The following SIRT1 variants were observed in gnomAD, a reference collection of about 807,000 sequenced individuals.
The protein encoded by SIRT1 is NAD-dependent protein deacetylase sirtuin-1.
SIRT1 carries 24 observed loss-of-function variants against 67.9 expected under a neutral mutation model. That is an observed-to-expected ratio of 0.35 (90% CI 0.26 to 0.50). The LOEUF (loss-of-function observed/expected upper bound fraction) is 0.50, where lower values mean the gene tolerates loss of function less well. SIRT1 is among the 20% of genes least tolerant of loss of function. SIRT1 has a pLI of 0.98. For missense variants in SIRT1, 873 were observed against 937.2 expected (o/e 0.93, Z 0.89); for synonymous variants, 378 against 350.7 (o/e 1.08, Z -0.87).
rs1188629315 is a variant in SIRT1, at chr10:67,889,143, G to A, written c.789+20G>A. On this transcript the variant is annotated intron_variant, in intron 3 of 8. Transcript: ENST00000212015. ...GCTGGGGTATGTAAGACTAGTACAT[G>A]GGGAGGTCGTATATGTATTTTCTTA... is the stretch of plus-strand genomic sequence containing the variant. 1 of 1,576,474 alleles carries A rather than the reference G, an allele frequency of 6.3e-7. No individual in the cohort carries two copies. Among genetic ancestry groups the A allele is most frequent in the South Asian group, 1.2e-5 (1 of 86,738 alleles).
Position 67,884,674 on chromosome 10 carries a change from G to A in SIRT1, c.-48G>A, listed in dbSNP as rs1842445323. ...CGGGGGCGCCAGTGCCGCGCGTCGA[G>A]CGGGAGCAGAGGAGGCGAGGGAGGA... On this transcript the variant is annotated 5_prime_UTR_variant, in exon 1 of 9. Transcript: ENST00000212015. 3 of 1,226,202 alleles carry A rather than the reference G, an allele frequency of 2.4e-6. No homozygotes were observed. Among genetic ancestry groups the A allele is most frequent in the Non-Finnish European group, 3.0e-6 (3 of 984,510 alleles). 76.0% of individuals were successfully genotyped at this position (1,226,202 alleles called of 1,614,324 possible). A position where few individuals can be genotyped will look rare whatever the true frequency, so the allele number is the denominator to read the frequency against.
At chr10:67,888,791 C>A in intron 2 of SIRT1, 91 bp from the exon 3 acceptor site, 1 of 1,435,078 alleles carries the variant, frequency 7.0e-7, no homozygotes, top group Non-Finnish European at 9.3e-7. Flanking sequence ...GCAAAAAACC[C>A]TCACAGAATG....
chr10:67,906,360 T>G lies in SIRT1; in HGVS notation c.943-430T>G, dbSNP rs1466747562. The G allele has an allele frequency of 2.7e-6, 4 of 1,477,666 alleles. No homozygotes were observed. The African/African-American group carries it at 4.3e-5, about 16-fold the overall frequency. 91.5% of individuals were successfully genotyped at this position (1,477,666 alleles called of 1,614,324 possible). On this transcript the variant is annotated intron_variant, in intron 4 of 8. Transcript: ENST00000212015. ...AATGAATGATAAATCAAAAAAAAAT[T>G]TTAAATATTCTTGTATTGACAGTGC...
intron 8 of SIRT1, among the ~76,000 whole-genome samples, chr10:67,914,806 C>G (rs780237114): frequency 2.6e-5 from 4 of 151,578 alleles, no homozygotes; most frequent in Non-Finnish European, 5.9e-5. Flanking sequence ...CTCCCGGGTT[C>G]AAGCGATTCT....
intron 2 of SIRT1, 149 bp downstream of exon 2, chr10:67,887,682 T>C (rs1349846872): frequency 1.9e-6 from 1 of 530,748 alleles, no homozygotes; most frequent in East Asian, 3.5e-5. Flanking sequence ...GTTCAAGCGA[T>C]TCTCCTGCCT....
intron 5 of SIRT1, 35 bp from the exon 6 acceptor site, chr10:67,908,011 C>T (rs200458851): frequency 2.1e-5 from 32 of 1,540,798 alleles, no homozygotes; most frequent in Middle Eastern, 1.7e-4. Flanking sequence ...AGAAATACTT[C>T]TTTAATAAAG....
chr10:67,886,233 G>T (rs1051739327), intron 1 of SIRT1, among the ~76,000 whole-genome samples: 1 of 149,588 alleles, frequency 6.7e-6, no homozygotes, highest in East Asian at 2.1e-4. Context: ...GAGCCACCGC[G>T]CCCGGTCAGG....
intron 7 of SIRT1, 46 bp from the exon 8 acceptor site, chr10:67,912,428 A>G (rs200136807): frequency 1.3e-6 from 2 of 1,494,974 alleles, no homozygotes; most frequent in East Asian, 2.3e-5. Context: ...TTATTAGCTT[A>G]CTTCCTCCTC....
At chr10:67,904,122 TGTTTG>T (rs1842784465) in intron 4 of SIRT1, among the ~76,000 whole-genome samples, 2 of 138,884 alleles carry the variant, frequency 1.4e-5, no homozygotes, top group African/African-American at 3.0e-5. Context: ...TAGTTTTTTT[TGTTTG>T]TTTTTTTTTT....
intron 7 of SIRT1, among the ~76,000 whole-genome samples, chr10:67,911,701 C>T (rs1842901547): frequency 7.0e-6 from 1 of 143,124 alleles, no homozygotes; most frequent in Non-Finnish European, 1.5e-5. Flanking sequence ...CCTTCCCGTC[C>T]GTTCTTCCTT....
intron 4 of SIRT1, among the ~76,000 whole-genome samples, chr10:67,892,251 A>G (rs1458279340): frequency 6.6e-6 from 1 of 152,164 alleles, no homozygotes; most frequent in Non-Finnish European, 1.5e-5. Flanking sequence ...AATTCTTTTG[A>G]AATACTTTTG....
intron 4 of SIRT1, chr10:67,906,187 T>TG: frequency 1.4e-6 from 2 of 1,428,364 alleles, no homozygotes; most frequent in Non-Finnish European, 9.2e-7. Context: ...AAGCATTATT[T>TG]GGGGGGAAAA....
At chr10:67,896,271 C>A (rs1333547054) in intron 4 of SIRT1, among the ~76,000 whole-genome samples, 3 of 152,138 alleles carry the variant, frequency 2.0e-5, no homozygotes, top group African/African-American at 7.2e-5. Flanking sequence ...TAGCTGAGAC[C>A]ATAGGCACGT....
intron 7 of SIRT1, 99 bp downstream of exon 7, chr10:67,909,541 T>A: frequency 9.8e-7 from 1 of 1,016,860 alleles, no homozygotes; most frequent in Non-Finnish European, 1.4e-6. Context: ...TGCTTCTGTT[T>A]GAAAGAGTGG....
chr10:67,899,850 C>T (rs543223736), intron 4 of SIRT1, among the ~76,000 whole-genome samples: 48 of 151,926 alleles, frequency 3.2e-4, no homozygotes, highest in African/African-American at 9.7e-4. Flanking sequence ...TTTGGGAGGC[C>T]GAGGCGGGTG....
intron 4 of SIRT1, among the ~76,000 whole-genome samples, chr10:67,893,352 G>A (rs1034496845): frequency 1.3e-5 from 2 of 152,098 alleles, no homozygotes; most frequent in South Asian, 4.1e-4. Context: ...CTGTGTCCAT[G>A]TGTTCTTATT....
At position 67,912,592 on chromosome 10, in the gene SIRT1, G is replaced by A; in HGVS notation, c.1476G>A (p.Arg492=). 4.3e-6 allele frequency: 7 copies of A among 1,614,110 alleles called. No individual in the cohort carries two copies. Among genetic ancestry groups the A allele is most frequent in the Middle Eastern group, 1.6e-4 (1 of 6,062 alleles). Reference sequence around the variant, plus strand: ...TCATAATTAATGAATTGTGTCATAGGTTAGGTGGTGAATATGCCAAACTTT... The same window carrying A: ...TCATAATTAATGAATTGTGTCATAGATTAGGTGGTGAATATGCCAAACTTT... The part of the protein sequence containing the change: ...CDVIINELCH[R]LGGEYAKLCC... The change falls in exon 8 of 9, where the codon AGG becomes AGA. Residue 492 remains arginine (R), a synonymous_variant. Coordinates refer to ENST00000212015, the MANE Select transcript of SIRT1 (RefSeq NM_012238.5).
intron 4 of SIRT1, among the ~76,000 whole-genome samples, chr10:67,902,595 GAA>G (rs886644185): frequency 2.0e-5 from 3 of 152,272 alleles, no homozygotes; most frequent in African/African-American, 7.2e-5. Context: ...TTTGTGGAAT[GAA>G]AGAGACAGGA....
chr10:67,886,663 ATAAT>A (rs1484134810), intron 1 of SIRT1, among the ~76,000 whole-genome samples: 8 of 152,026 alleles, frequency 5.3e-5, no homozygotes, highest in African/African-American at 1.2e-4. Context: ...TTACCTAATA[ATAAT>A]TGTGTTATTA....
Sources: allele counts gnomAD v4.1 joint callset (sites outside exome capture counted in the v4.1 genomes callset), GRCh38; gene constraint gnomAD v4.1.1; transcripts MANE v1.5; gene names NCBI Gene and HGNC (gene_info 2026-07-23, HGNC 2026-07-21).